WIPF3: variants seen among roughly 807,000 people sequenced by gnomAD.
WIPF3 encodes the protein WAS/WASL interacting protein family member 3.
In WIPF3, 33 loss-of-function variants were observed where a neutral mutation model predicts 38.9. The observed-to-expected ratio is 0.85, with a 90% CI of 0.64 to 1.14. WIPF3 has a LOEUF of 1.14. WIPF3 is among the 50% of genes most tolerant of loss of function. The probability of loss-of-function intolerance (pLI) is 0.00; values close to 1 mark genes in which losing one functional copy is unlikely to be tolerated. For synonymous variants in WIPF3, 324 were observed against 269.3 expected (o/e 1.20, Z -1.99); for missense variants, 711 against 652.5 (o/e 1.09, Z -0.98).
intron 2 of WIPF3, among the ~76,000 whole-genome samples, chr7:29,867,527 C>G (rs1056001394): frequency 2.0e-5 from 3 of 149,734 alleles, no homozygotes; most frequent in South Asian, 2.1e-4. Context: ...GTGCCATGCC[C>G]TTGACTCCTG....
intron 8 of WIPF3, chr7:29,904,567 T>A: frequency 1.7e-6 from 1 of 572,608 alleles, no homozygotes; most frequent in Non-Finnish European, 3.1e-6. Flanking sequence ...AAAGGGGGCT[T>A]CCCTGGAATC....
intron 8 of WIPF3, chr7:29,906,063 G>A (rs777006285): frequency 6.6e-5 from 10 of 152,020 alleles, no homozygotes; most frequent in Non-Finnish European, 8.8e-5. Context: ...GCAAACCCTG[G>A]GGGACAGAGA....
At position 29,914,490 on chromosome 7, in the gene WIPF3, C is replaced by A; in HGVS notation, c.1429-3C>A. 6.6e-7 allele frequency: 1 copy of A among 1,519,116 alleles called. No individual in the cohort carries two copies. The highest frequency in any genetic ancestry group is 8.8e-7 in the Non-Finnish European group (1 of 1,131,616). 94.1% of individuals were successfully genotyped at this position (1,519,116 alleles called of 1,614,324 possible). A position where few individuals can be genotyped will look rare whatever the true frequency, so the allele number is the denominator to read the frequency against. On this transcript the variant is annotated splice_region_variant and splice_polypyrimidine_tract_variant and intron_variant, in intron 8 of 8. Transcript: ENST00000242140. ...CTGGTAATGTTCTGTTATGTTTCCA[C>A]AGTTATCTCTAAAGACTCTTCGGTG...
At chr7:29,880,111 T>C (rs1785685279) in intron 4 of WIPF3, among the ~76,000 whole-genome samples, 1 of 152,210 alleles carries the variant, frequency 6.6e-6, no homozygotes. Context: ...TTGAAAATAT[T>C]GCATTAAAAT....
chr7:29,819,310 T>G (rs1784502807), intron 1 of WIPF3, among the ~76,000 whole-genome samples: 1 of 152,006 alleles, frequency 6.6e-6, no homozygotes, highest in Admixed American at 6.6e-5. Context: ...CAGATTTCTT[T>G]ACCTAGATTT....
chr7:29,846,282 G>T (rs187962942), intron 2 of WIPF3, among the ~76,000 whole-genome samples: 1 of 152,090 alleles, frequency 6.6e-6, no homozygotes, highest in Non-Finnish European at 1.5e-5. Context: ...GGAACACAGC[G>T]TACCCACTTT....
chr7:29,826,358 A>G (rs145531156), intron 1 of WIPF3, among the ~76,000 whole-genome samples: 2 of 152,026 alleles, frequency 1.3e-5, no homozygotes, highest in Admixed American at 6.6e-5. Flanking sequence ...CCAGGCCCCA[A>G]CTCCGACCTA....
chr7:29,832,792 A>G (rs1415608838), intron 1 of WIPF3, among the ~76,000 whole-genome samples: 1 of 152,216 alleles, frequency 6.6e-6, no homozygotes, highest in Non-Finnish European at 1.5e-5. Flanking sequence ...GGGAAAAAAG[A>G]TGGTACCATA....
At chr7:29,848,538 G>T (rs752313691) in intron 2 of WIPF3, among the ~76,000 whole-genome samples, 6 of 152,126 alleles carry the variant, frequency 3.9e-5, no homozygotes, top group Non-Finnish European at 7.3e-5. Flanking sequence ...AGATTCTAGT[G>T]CTGTGGGTTG....
chr7:29,834,881 G>C, intron 2 of WIPF3, 67 bp downstream of exon 2: 5 of 1,498,458 alleles, frequency 3.3e-6, no homozygotes, highest in Non-Finnish European at 4.5e-6. Context: ...TGAGCAGAAG[G>C]TTTTAAATGT....
intron 1 of WIPF3, among the ~76,000 whole-genome samples, chr7:29,826,029 A>G (rs1784610280): frequency 6.6e-6 from 1 of 152,182 alleles, no homozygotes; most frequent in Admixed American, 6.5e-5. Context: ...AATTCCAAGT[A>G]CAGTAGCATT....
intron 7 of WIPF3, among the ~76,000 whole-genome samples, chr7:29,893,455 G>A (rs1484381354): frequency 6.6e-6 from 1 of 152,132 alleles, no homozygotes; most frequent in African/African-American, 2.4e-5. Flanking sequence ...GATGTCGGCC[G>A]GGGTGCGTGA....
In WIPF3 at chr7:29,916,582, T is replaced by G. The variant is rs1786620201; in HGVS notation, c.*2066T>G. 6.6e-6 allele frequency: 1 copy of G among 152,118 alleles called. No individual in the cohort carries two copies. Among genetic ancestry groups the G allele is most frequent in the African/African-American group, 2.4e-5 (1 of 41,396 alleles). 9.4% of individuals were successfully genotyped at this position (152,118 alleles called of 1,614,324 possible). ...CAAAAAATTAGCCAGGCATGGTGGC[T>G]CACACCTGTAATCCCAGCAACTTGG... On this transcript the variant is annotated 3_prime_UTR_variant, in exon 9 of 9. Transcript: ENST00000242140.
intron 1 of WIPF3, among the ~76,000 whole-genome samples, chr7:29,826,497 G>A (rs1358490854): frequency 6.6e-6 from 1 of 152,172 alleles, no homozygotes; most frequent in African/African-American, 2.4e-5. Flanking sequence ...TAGGGAAACT[G>A]GAGATGAGTT....
At chr7:29,854,302 CTAT>C (rs1278031656) in intron 2 of WIPF3, among the ~76,000 whole-genome samples, 3 of 152,178 alleles carry the variant, frequency 2.0e-5, no homozygotes, top group Non-Finnish European at 4.4e-5. Flanking sequence ...TTATAGAATG[CTAT>C]TATAAGACCC....
rs1412376476 is a variant in WIPF3 at position 29,916,540 on chromosome 7, C to T, written c.*2024C>T. The T allele has an allele frequency of 6.6e-6, 1 of 152,108 alleles. No individual in the cohort carries two copies. 9.4% of individuals were successfully genotyped at this position (152,108 alleles called of 1,614,324 possible). On this transcript the variant is annotated 3_prime_UTR_variant, in exon 9 of 9. Coordinates refer to ENST00000242140, the MANE Select transcript of WIPF3 (RefSeq NM_001080529.3). ...GACCAGCCTGGCCAACATGGTGAAACCCTGTCTACTCAAATACAAAAAATT... is the reference window on the plus strand; with the variant it reads ...GACCAGCCTGGCCAACATGGTGAAATCCTGTCTACTCAAATACAAAAAATT...
At position 29,888,090 on chromosome 7, in the gene WIPF3, T is replaced by C. The variant is rs953728412; in HGVS notation, c.1122T>C (p.Asn374=). 11 of 1,613,792 alleles carry C rather than the reference T, an allele frequency of 6.8e-6. No homozygotes were observed. Among genetic ancestry groups the C allele is most frequent in the Non-Finnish European group, 9.3e-6 (11 of 1,179,878 alleles). The change falls in exon 6 of 9, where the codon AAT becomes AAC. Residue 374 remains asparagine (N), a synonymous_variant. Transcript: ENST00000242140. ...GRPGAGGGKL[N]PPPAPPARSP... Reference sequence around the variant, plus strand: ...AAGGGGCCGGTGGGGGAAAGCTAAATCCACCTCCAGCACCCCCTGCGAGAT... The same window carrying C: ...AAGGGGCCGGTGGGGGAAAGCTAAACCCACCTCCAGCACCCCCTGCGAGAT...
At chr7:29,879,265 A>T in intron 4 of WIPF3, 125 bp downstream of exon 4, 1 of 1,241,528 alleles carries the variant, frequency 8.1e-7, no homozygotes, top group South Asian at 1.5e-5. Flanking sequence ...AGAGTAGAAG[A>T]TCATGTTCTT....
At chr7:29,839,746 A>G (rs929999521) in intron 2 of WIPF3, among the ~76,000 whole-genome samples, 4 of 152,236 alleles carry the variant, frequency 2.6e-5, no homozygotes, top group Non-Finnish European at 5.9e-5. Context: ...TTTGTGACAC[A>G]TGAAAAGTAT....
Sources: gnomAD v4.1 joint callset for allele counts (sites outside exome capture counted in the v4.1 genomes callset) on GRCh38, gnomAD v4.1.1 for gene constraint, MANE v1.5 for transcripts, NCBI Gene and HGNC (gene_info 2026-07-23, HGNC 2026-07-21) for gene names.